ROBO4: variants seen among roughly 807,000 people sequenced by gnomAD.
ROBO4 encodes roundabout guidance receptor 4.
ROBO4 carries 80 observed loss-of-function variants against 103.3 expected under a neutral mutation model. That is an observed-to-expected ratio of 0.77 (90% confidence interval 0.65 to 0.93). The LOEUF is 0.93. ROBO4 is among the 40% of genes least tolerant of loss of function. The pLI, the probability that ROBO4 is intolerant of heterozygous loss-of-function variation, is 0.00. For missense variants in ROBO4, 1,333 were observed against 1,305.3 expected (o/e 1.02, Z -0.33); for synonymous variants, 504 against 529.7 (o/e 0.95, Z 0.67).
Position 124,897,854 on chromosome 11 carries a change from C to T in ROBO4, c.-59G>A. 7.2e-7 allele frequency: 1 copy of T among 1,394,136 alleles called. No individual in the cohort carries two copies. The highest frequency in any genetic ancestry group is 2.4e-5 in the East Asian group (1 of 41,116). 86.4% of individuals were successfully genotyped at this position (1,394,136 alleles called of 1,614,324 possible). ...ACTTTGTCCTGCTGCTCTGAGCTCA[C>T]AGTGAAGAGGGAAGGAGGGGCGGGG... On this transcript the variant is annotated 5_prime_UTR_variant, in exon 1 of 18. It adds an upstream start codon to the 5' untranslated region. Coordinates refer to ENST00000306534, the MANE Select transcript of ROBO4 (RefSeq NM_019055.6).
intron 7 of ROBO4, 72 bp downstream of exon 7, chr11:124,895,009 G>T (rs1038157356): frequency 2.6e-6 from 3 of 1,152,846 alleles, no homozygotes; most frequent in Non-Finnish European, 3.9e-6. Context: ...CCAGAGCAAG[G>T]GTATGCAGAA....
intron 12 of ROBO4, among the ~76,000 whole-genome samples, chr11:124,888,893 C>T (rs780592070): frequency 6.6e-6 from 1 of 152,316 alleles, no homozygotes; most frequent in Non-Finnish European, 1.5e-5. Context: ...AGAAAAGAAA[C>T]AGCCTTTAGA....
At chr11:124,889,152 G>A (rs6590109) in intron 12 of ROBO4, among the ~76,000 whole-genome samples, 105,855 of 152,170 alleles carry the variant, frequency 0.7, 37,882 homozygotes, top group African/African-American at 0.85. Flanking sequence ...GACTCCCTCC[G>A]TCAAAGTTTC....
intron 10 of ROBO4, among the ~76,000 whole-genome samples, chr11:124,893,282 C>T (rs970504167): frequency 1.4e-4 from 21 of 152,276 alleles, no homozygotes; most frequent in Admixed American, 9.2e-4. Flanking sequence ...GCTGGAGCTG[C>T]GGGTGGACTA....
intron 3 of ROBO4, 30 bp downstream of exon 3, chr11:124,896,483 A>G: frequency 6.2e-7 from 1 of 1,610,138 alleles, no homozygotes; most frequent in Non-Finnish European, 8.5e-7. Context: ...CCAGGCCAGG[A>G]TGAAGTGTGG....
chr11:124,887,503 G>C lies in ROBO4; in HGVS notation c.2057-4C>G, dbSNP rs1946735705. On this transcript the variant is annotated splice_polypyrimidine_tract_variant and splice_region_variant and intron_variant, in intron 13 of 17. Coordinates refer to ENST00000306534, the MANE Select transcript of ROBO4 (RefSeq NM_019055.6). ...ACCAGAGCTTGGGGCACAGCTCCTG[G>C]GGAAGAGAAGCCTGGGTGTGAGAAC... 1 of 1,613,418 alleles carries C rather than the reference G, an allele frequency of 6.2e-7. No homozygotes were observed. Among genetic ancestry groups the C allele is most frequent in the Non-Finnish European group, 8.5e-7 (1 of 1,179,936 alleles).
chr11:124,887,916 C>A, intron 12 of ROBO4, 76 bp from the exon 13 acceptor site: 1 of 1,258,400 alleles, frequency 7.9e-7, no homozygotes, highest in African/African-American at 1.5e-5. Flanking sequence ...TATCTTCAGC[C>A]TTATTCAATT....
Position 124,884,659 on chromosome 11 carries a change from A to G in ROBO4, c.*232T>C. The G allele has an allele frequency of 1.7e-6, 1 of 600,182 alleles. No homozygotes were observed. Among genetic ancestry groups the G allele is most frequent in the South Asian group, 2.0e-5 (1 of 49,610 alleles). The allele number at this position is 600,182 out of a possible 1,614,324, so 37.2% of individuals were successfully genotyped here. ...TGGCACAGAGGAGAAAGCAGTGGCTAGGAGTCAGGTGGAGATGATGTTTTG... is the reference window on the plus strand; with the variant it reads ...TGGCACAGAGGAGAAAGCAGTGGCTGGGAGTCAGGTGGAGATGATGTTTTG... On this transcript the variant is annotated 3_prime_UTR_variant, in exon 18 of 18. Transcript: ENST00000306534.
At chr11:124,885,995 C>G (rs1284009853) in intron 16 of ROBO4, among the ~76,000 whole-genome samples, 2 of 152,080 alleles carry the variant, frequency 1.3e-5, no homozygotes, top group Admixed American at 1.3e-4. Context: ...TCAAAACCAG[C>G]CTGGCCAACA....
chr11:124,893,938 C>A lies in ROBO4; in HGVS notation c.1426G>T (p.Val476Phe). Residue 476 changes from valine (V) to phenylalanine (F), a missense_variant, in exon 9 of 18, where the codon GTT (valine) becomes TTT (phenylalanine). By Grantham distance (50) the Val-to-Phe change is conservative (BLOSUM62 -1). Transcript: ENST00000306534. ...CCCAGAAGCAGCAGCCAGAGTGCAA[C>A]ACCGCAGGTGGCAATGACCTCAGGC... ...KRPEVIATCG[V>F]ALWLLLLGTA... 1 of 1,610,938 alleles carries A rather than the reference C, an allele frequency of 6.2e-7. No individual in the cohort carries two copies. Among genetic ancestry groups the A allele is most frequent in the Non-Finnish European group, 8.5e-7 (1 of 1,179,380 alleles).
At chr11:124,886,142 G>A (rs1183538152) in intron 16 of ROBO4, among the ~76,000 whole-genome samples, 1 of 152,240 alleles carries the variant, frequency 6.6e-6, no homozygotes, top group African/African-American at 2.4e-5. Context: ...AGTGAGCTGA[G>A]ATCATGCCAC....
In ROBO4 at chr11:124,884,057, T is replaced by A. The variant is rs1172811016; in HGVS notation, c.*834A>T. ...TGCCCTTCCTATATTCTGCTTAAAA[T>A]TTGGTGGATGAACCTCATTCTCCCT... On this transcript the variant is annotated 3_prime_UTR_variant, in exon 18 of 18. Coordinates refer to ENST00000306534, the MANE Select transcript of ROBO4 (RefSeq NM_019055.6). The A allele has an allele frequency of 6.6e-6, 1 of 152,082 alleles. No individual in the cohort carries two copies. Among genetic ancestry groups the A allele is most frequent in the Non-Finnish European group, 1.5e-5 (1 of 68,018 alleles). The allele number at this position is 152,082 out of a possible 1,614,324, so 9.4% of individuals were successfully genotyped here.
At position 124,896,140 on chromosome 11, in the gene ROBO4, C is replaced by T. The variant is rs528168450; in HGVS notation, c.679+58G>A. 3.8e-6 allele frequency: 6 copies of T among 1,598,454 alleles called. No individual in the cohort carries two copies. In the South Asian group the frequency reaches 4.5e-5, roughly 12 times the overall value. The stretch of plus-strand genomic sequence containing the variant: ...CTTAACCCCAGCCCAAACCAGAATA[C>T]ACCACCCCAACTGGAGCCTGCAGCC... On this transcript the variant is annotated intron_variant, in intron 4 of 17. Coordinates refer to ENST00000306534, the MANE Select transcript of ROBO4 (RefSeq NM_019055.6).
intron 12 of ROBO4, among the ~76,000 whole-genome samples, chr11:124,890,259 G>T (rs1246098777): frequency 6.6e-6 from 1 of 152,164 alleles, no homozygotes; most frequent in Non-Finnish European, 1.5e-5. Context: ...TAAAATTCTG[G>T]ATATTGAACA....
chr11:124,893,808 G>A, intron 9 of ROBO4, 52 bp downstream of exon 9: 1 of 1,612,912 alleles, frequency 6.2e-7, no homozygotes, highest in South Asian at 1.1e-5. Context: ...GCACCATTCT[G>A]GCTGGATGCT....
chr11:124,894,187 G>A lies in ROBO4; in HGVS notation c.1318+14C>T. The A allele has an allele frequency of 1.9e-6, 3 of 1,600,760 alleles. No homozygotes were observed. The highest frequency in any genetic ancestry group is 2.6e-6 in the Non-Finnish European group (3 of 1,171,780). ...GGCTGAAGGGTAGGGTGGGTCTGTG[G>A]GCACTGCCCTCACCTAAAAGGAGGC... On this transcript the variant is annotated intron_variant, in intron 8 of 17. Coordinates refer to ENST00000306534, the MANE Select transcript of ROBO4 (RefSeq NM_019055.6).
chr11:124,891,204 G>T lies in ROBO4; in HGVS notation c.1948+95C>A, dbSNP rs752965494. The T allele has an allele frequency of 6.6e-5, 91 of 1,384,850 alleles. 1 individual carries two copies. Among genetic ancestry groups the T allele is most frequent in the Non-Finnish European group, 8.5e-5 (88 of 1,040,870 alleles). 85.8% of individuals were successfully genotyped at this position (1,384,850 alleles called of 1,614,324 possible). ...TGGAAGGAGGGTGTGGAGGTTGCAC[G>T]CCCCTCCAGGCTTTGAGGCCTTGTT... On this transcript the variant is annotated intron_variant, in intron 12 of 17. Transcript: ENST00000306534.
chr11:124,887,504 G>T lies in ROBO4; in HGVS notation c.2057-5C>A. The stretch of plus-strand genomic sequence containing the variant: ...CCAGAGCTTGGGGCACAGCTCCTGG[G>T]GAAGAGAAGCCTGGGTGTGAGAACA... On this transcript the variant is annotated splice_polypyrimidine_tract_variant and splice_region_variant and intron_variant, in intron 13 of 17. Transcript: ENST00000306534. 1 of 1,613,512 alleles carries T rather than the reference G, an allele frequency of 6.2e-7. No individual in the cohort carries two copies. Among genetic ancestry groups the T allele is most frequent in the South Asian group, 1.1e-5 (1 of 91,046 alleles).
chr11:124,890,832 A>G (rs1473983991), intron 12 of ROBO4, among the ~76,000 whole-genome samples: 2 of 152,250 alleles, frequency 1.3e-5, no homozygotes, highest in Non-Finnish European at 2.9e-5. Flanking sequence ...ACCTGTACAT[A>G]GTACACCAGG....
Sources: allele counts gnomAD v4.1 joint callset (sites outside exome capture counted in the v4.1 genomes callset), GRCh38; gene constraint gnomAD v4.1.1; transcripts MANE v1.5; gene names NCBI Gene and HGNC (gene_info 2026-07-23, HGNC 2026-07-21).